PYROXD1: variants seen among roughly 807,000 people sequenced by gnomAD.
PYROXD1 encodes tRNA ligase complex-associated NAD(P)H dehydrogenase PYROXD1.
In PYROXD1, 42 loss-of-function variants were observed where a neutral mutation model predicts 62.0. The ratio of observed to expected loss-of-function variants is 0.68; its 90% CI spans 0.53 to 0.88. The LOEUF (loss-of-function observed/expected upper bound fraction) is 0.88. PYROXD1 is among the 40% of genes least tolerant of loss of function. The probability of loss-of-function intolerance (pLI) is 0.00; values close to 1 mark genes in which losing one functional copy is unlikely to be tolerated. For missense variants in PYROXD1, 493 were observed against 604.8 expected (o/e 0.82, Z 1.94); for synonymous variants, 170 against 206.4 (o/e 0.82, Z 1.51).
intron 1 of PYROXD1, among the ~76,000 whole-genome samples, chr12:21,439,455 A>G (rs1256732225): frequency 1.7e-4 from 26 of 152,176 alleles, no homozygotes; most frequent in East Asian, 1.9e-4. Context: ...AGAAAGTTCA[A>G]ATAAAATGAG....
chr12:21,447,919 A>C (rs11046059), intron 3 of PYROXD1: 103,514 of 217,730 alleles, frequency 0.48, 25,039 homozygotes, highest in Middle Eastern at 0.52. Flanking sequence ...AACCCGGGAG[A>C]TTGCAGTGAG....
rs780503655 is a variant in PYROXD1, at chr12:21,470,174, A to G, written c.*1420A>G. The G allele has an allele frequency of 7.5e-6, 12 of 1,609,528 alleles. No individual in the cohort carries two copies. In the Admixed American group the frequency reaches 2.0e-4, roughly 27 times the overall value. ...ACATGCATAAACCATCTTTAATTAG[A>G]AAATTTAGTAACATTCATATCAGGC... On this transcript the variant is annotated 3_prime_UTR_variant, in exon 12 of 12. Coordinates refer to ENST00000240651, the MANE Select transcript of PYROXD1 (RefSeq NM_024854.5).
Position 21,445,397 on chromosome 12 carries a change from G to T in PYROXD1, c.216G>T (p.Met72Ile). 3.7e-6 allele frequency: 6 copies of T among 1,610,638 alleles called. No individual in the cohort carries two copies. The highest frequency in any genetic ancestry group is 5.1e-6 in the Non-Finnish European group (6 of 1,178,916). The change falls in exon 3 of 12, where the codon ATG (methionine) becomes ATT (isoleucine). Residue 72 changes from methionine to isoleucine, a missense_variant. Around this residue, in one of 2 missense-constraint regions of PYROXD1, gnomAD observed 164 missense variants for 158.2 expected, o/e 1.04. Transcript: ENST00000240651. Reference protein sequence around the residue: ...EFDVEEQSSTMLGKRFPNIKV... With the variant: ...EFDVEEQSSTILGKRFPNIKV... Reference sequence around the variant, plus strand: ...ATGTTGAAGAACAATCAAGTACCATGTTAGGAAAACGCTTTCCCAACATTA... The same window carrying T: ...ATGTTGAAGAACAATCAAGTACCATTTTAGGAAAACGCTTTCCCAACATTA...
intron 10 of PYROXD1, among the ~76,000 whole-genome samples, chr12:21,464,402 C>T (rs1159077498): frequency 1.3e-5 from 2 of 151,780 alleles, no homozygotes; most frequent in African/African-American, 4.8e-5. Context: ...CTGCCTTTCA[C>T]TTCATCAAAT....
In PYROXD1 at chr12:21,461,069, A is replaced by AACTC; in HGVS notation, c.796_797insCTCA (p.Ile266ThrfsTer7). ...TTGAAACTATGTGTGAAGTAAAGAA[A>AACTC]ATCTACCTTCAGGATGAGTTTAGAA... On this transcript the variant is annotated frameshift_variant, in exon 8 of 12. Transcript: ENST00000240651. LOFTEE classifies it high-confidence loss of function. 1.3e-6 allele frequency: 2 copies of AACTC among 1,573,488 alleles called. No homozygotes were observed. Among genetic ancestry groups the AACTC allele is most frequent in the Non-Finnish European group, 1.7e-6 (2 of 1,157,582 alleles).
chr12:21,442,003 G>T (rs1436036970), intron 2 of PYROXD1, among the ~76,000 whole-genome samples: 1 of 152,232 alleles, frequency 6.6e-6, no homozygotes, highest in East Asian at 1.9e-4. Context: ...GTTGAAGATT[G>T]CAGGGATCCT....
In PYROXD1 at chr12:21,470,646, TG is replaced by T. The variant is rs1942926332; in HGVS notation, c.*1894del. ...GTTTAAAACAGTGGTTTCTAACCAC[TG>T]GAACAGCAGAAACAGACTTCTCAAC... On this transcript the variant is annotated 3_prime_UTR_variant, in exon 12 of 12. Transcript: ENST00000240651. 1 of 322,180 alleles carries T rather than the reference TG, an allele frequency of 3.1e-6. No individual in the cohort carries two copies. The highest frequency in any genetic ancestry group is 5.6e-6 in the Non-Finnish European group (1 of 179,124). 20.0% of individuals were successfully genotyped at this position (322,180 alleles called of 1,614,324 possible). A position where few individuals can be genotyped will look rare whatever the true frequency, so the allele number is the denominator to read the frequency against.
chr12:21,456,250 C>G (rs761311795), intron 7 of PYROXD1, among the ~76,000 whole-genome samples, 155 bp downstream of exon 7: 2 of 152,126 alleles, frequency 1.3e-5, no homozygotes, highest in Non-Finnish European at 2.9e-5. Context: ...TGCAGTTGGT[C>G]CATTTGGCCA....
chr12:21,438,672 A>G (rs1228145078), intron 1 of PYROXD1: 2 of 152,252 alleles, frequency 1.3e-5, no homozygotes, highest in African/African-American at 2.4e-5. Flanking sequence ...CAGACCATAT[A>G]TATTCAGATA....
rs1942879757 is a variant in PYROXD1 at position 21,469,597 on chromosome 12, C to T, written c.*843C>T. 1 of 151,174 alleles carries T rather than the reference C, an allele frequency of 6.6e-6. No homozygotes were observed. Among genetic ancestry groups the T allele is most frequent in the Admixed American group, 6.6e-5 (1 of 15,054 alleles). 9.4% of individuals were successfully genotyped at this position (151,174 alleles called of 1,614,324 possible). A position where few individuals can be genotyped will look rare whatever the true frequency, so the allele number is the denominator to read the frequency against. Reference sequence around the variant, plus strand: ...AAAAATATAGCTAAGTATATAAAGGCATAAAAAACTTAAGACAATTACATG... The same window carrying T: ...AAAAATATAGCTAAGTATATAAAGGTATAAAAAACTTAAGACAATTACATG... On this transcript the variant is annotated 3_prime_UTR_variant, in exon 12 of 12. Coordinates refer to ENST00000240651, the MANE Select transcript of PYROXD1 (RefSeq NM_024854.5).
Position 21,452,076 on chromosome 12 carries a change from C to A in PYROXD1, c.415-5C>A. On this transcript the variant is annotated splice_region_variant and splice_polypyrimidine_tract_variant and intron_variant, in intron 4 of 11. Transcript: ENST00000240651. ...TACTACCTCATTATTTTCTTTTTAA[C>A]ATAGGAATTTCAGAAACAGCTTACT... The A allele has an allele frequency of 1.3e-6, 2 of 1,557,974 alleles. No homozygotes were observed. The highest frequency in any genetic ancestry group is 1.8e-5 in the Admixed American group (1 of 55,980).
chr12:21,440,484 GA>G, intron 2 of PYROXD1, 36 bp downstream of exon 2: 1 of 1,240,256 alleles, frequency 8.1e-7, no homozygotes, highest in Non-Finnish European at 1.1e-6. Context: ...ATATTAATTT[GA>G]AAAAATTGCA....
chr12:21,460,562 T>G (rs1942678214), intron 7 of PYROXD1, among the ~76,000 whole-genome samples: 1 of 152,036 alleles, frequency 6.6e-6, no homozygotes, highest in Admixed American at 6.5e-5. Context: ...TAGCTGGGAC[T>G]ACAGGCGCAC....
chr12:21,449,098 G>A (rs1388267495), intron 3 of PYROXD1, among the ~76,000 whole-genome samples: 2 of 152,030 alleles, frequency 1.3e-5, no homozygotes, highest in Non-Finnish European at 2.9e-5. Context: ...TATGAAGGTA[G>A]GATATGGTTA....
intron 2 of PYROXD1, among the ~76,000 whole-genome samples, chr12:21,443,181 G>A (rs7295417): frequency 0.49 from 74,893 of 151,958 alleles, 18,513 homozygotes; most frequent in Middle Eastern, 0.59. Context: ...TAGAATACCA[G>A]AAGCTCCCAG....
intron 10 of PYROXD1, among the ~76,000 whole-genome samples, chr12:21,463,542 A>G (rs1942736278): frequency 6.6e-6 from 1 of 152,076 alleles, no homozygotes; most frequent in Non-Finnish European, 1.5e-5. Context: ...AATACAAAAA[A>G]TTAGCTGAGC....
chr12:21,453,921 A>G (rs1272862400), intron 5 of PYROXD1, among the ~76,000 whole-genome samples: 1 of 152,056 alleles, frequency 6.6e-6, no homozygotes, highest in Non-Finnish European at 1.5e-5. Flanking sequence ...TTGAAATACA[A>G]ACTTTATTAC....
rs767032529 is a variant in PYROXD1, at chr12:21,468,581, C to T, written c.1330C>T (p.Arg444Ter). Residue 444 changes from arginine (R) to a stop codon, truncating the protein, a stop_gained, in exon 12 of 12, where the codon CGA becomes TGA. Transcript: ENST00000240651. LOFTEE classifies it high-confidence loss of function. ...ATTAATGCTGAGATGTACCAAAGGA[C>T]GAGAATACATCAAAGTCGTCATGCA... Reference protein sequence around the residue: ...HELMLRCTKGREYIKVVMQNG... With the variant: ...HELMLRCTKG The T allele has an allele frequency of 1.9e-6, 3 of 1,612,824 alleles. No homozygotes were observed. Among genetic ancestry groups the T allele is most frequent in the South Asian group, 2.2e-5 (2 of 91,048 alleles).
intron 3 of PYROXD1, chr12:21,447,997 A>G (rs1942424731): frequency 8.3e-6 from 3 of 362,386 alleles, no homozygotes; most frequent in Non-Finnish European, 1.6e-5. Context: ...AAAAAAAAAC[A>G]CATGCGTACT....
Sources: allele counts gnomAD v4.1 joint callset (sites outside exome capture counted in the v4.1 genomes callset), GRCh38; gene constraint gnomAD v4.1.1; regional missense constraint gnomAD v4.1.1; transcripts MANE v1.5; gene names NCBI Gene and HGNC (gene_info 2026-07-23, HGNC 2026-07-21).